Variants in EFCAB8 observed in about 807,000 individuals in gnomAD.
EFCAB8 encodes the protein EF-hand calcium binding domain 8.
EFCAB8 carries 100 observed loss-of-function variants against 116.3 expected under a neutral mutation model. That is an observed-to-expected ratio of 0.86 (90% confidence interval 0.73 to 1.02). The LOEUF (loss-of-function observed/expected upper bound fraction) is 1.02. EFCAB8 is among the 50% of genes least tolerant of loss of function. EFCAB8 has a pLI of 0.00. For missense variants in EFCAB8, 1,320 were observed against 1,416.9 expected, an observed-to-expected ratio of 0.93 and a Z score of 1.10; for synonymous variants, 558 against 567.9, an observed-to-expected ratio of 0.98 and a Z score of 0.25.
chr20:32,909,574 G>A (rs1158773213), intron 14 of EFCAB8, among the ~76,000 whole-genome samples: 5 of 151,686 alleles, frequency 3.3e-5, no homozygotes, highest in Non-Finnish European at 7.4e-5. Context: ...AAGGGACCTT[G>A]GACTTGGAAT....
At chr20:32,928,732 C>T (rs1227959181) in intron 20 of EFCAB8, among the ~76,000 whole-genome samples, 1 of 152,072 alleles carries the variant, frequency 6.6e-6, no homozygotes, top group Non-Finnish European at 1.5e-5. Flanking sequence ...TCTGGCAGAA[C>T]TTCCAGTACT....
intron 6 of EFCAB8, among the ~76,000 whole-genome samples, chr20:32,888,304 C>T (rs1023358634): frequency 6.6e-6 from 1 of 152,186 alleles, no homozygotes; most frequent in Non-Finnish European, 1.5e-5. Flanking sequence ...CAGCTCACTG[C>T]AGCCTCTGCC....
At chr20:32,894,657 T>C (rs1986074542) in intron 9 of EFCAB8, among the ~76,000 whole-genome samples, 1 of 152,222 alleles carries the variant, frequency 6.6e-6, no homozygotes. Flanking sequence ...CTGTGTGACC[T>C]GGAGCCAGTT....
chr20:32,935,611 A>G (rs1020624580), intron 22 of EFCAB8, among the ~76,000 whole-genome samples: 2 of 152,032 alleles, frequency 1.3e-5, no homozygotes, highest in African/African-American at 4.8e-5. Context: ...GGTTCAAGCA[A>G]TTCTCCTGCC....
chr20:32,946,048 C>T (rs143790920), intron 23 of EFCAB8, among the ~76,000 whole-genome samples: 24 of 152,280 alleles, frequency 1.6e-4, no homozygotes, highest in African/African-American at 5.8e-4. Flanking sequence ...TATGTATGCT[C>T]CAAATCTGCC....
chr20:32,906,677 G>T, intron 12 of EFCAB8, 48 bp downstream of exon 12: 1 of 717,602 alleles, frequency 1.4e-6, no homozygotes, highest in South Asian at 1.5e-5. Flanking sequence ...GAGGGCTGCT[G>T]GGGATGGGGG....
intron 6 of EFCAB8, among the ~76,000 whole-genome samples, chr20:32,886,155 A>G (rs189625599): frequency 3.7e-4 from 57 of 152,266 alleles, no homozygotes; most frequent in Admixed American, 2.1e-3. Flanking sequence ...AAGGTACTAT[A>G]TACTCCCTGT....
At chr20:32,909,408 AT>A (rs1986816810) in intron 14 of EFCAB8, among the ~76,000 whole-genome samples, 1 of 152,200 alleles carries the variant, frequency 6.6e-6, no homozygotes. Flanking sequence ...AGAAAAACAG[AT>A]AATTTCGGTA....
Position 32,931,349 on chromosome 20 carries a change from C to G in EFCAB8, c.2790+13C>G. 1 of 1,525,720 alleles carries G rather than the reference C, an allele frequency of 6.6e-7. No homozygotes were observed. The highest frequency in any genetic ancestry group is 8.8e-7 in the Non-Finnish European group (1 of 1,134,876). 94.5% of individuals were successfully genotyped at this position (1,525,720 alleles called of 1,614,324 possible). A position where few individuals can be genotyped will look rare whatever the true frequency, so the allele number is the denominator to read the frequency against. On this transcript the variant is annotated intron_variant, in intron 22 of 26. Coordinates refer to ENST00000400522, the MANE Select transcript of EFCAB8 (RefSeq NM_001143967.2). ...GGAGGATAAAGAGGTAGGAGGATTA[C>G]TGGAGAGTTGCTCAGGAAAGTGCCT...
In EFCAB8 at chr20:32,886,195, CTAGT is replaced by C. The variant is rs368404552; in HGVS notation, c.567+558_567+561del. On this transcript the variant is annotated intron_variant, in intron 6 of 26. Transcript: ENST00000400522. ...CAGTTTTCCCATCTGTCAAATGGGG[CTAGT>C]TACAGTGCTTCTTTACAGTCCTTTT... 7.2e-5 allele frequency among the ~76,000 whole-genome samples: 11 copies of C among 152,308 alleles called. No homozygotes were observed. In the East Asian group the frequency reaches 1.2e-3, roughly 16 times the overall value.
chr20:32,864,338 C>G (rs933415767), intron 2 of EFCAB8, among the ~76,000 whole-genome samples: 1 of 151,826 alleles, frequency 6.6e-6, no homozygotes, highest in East Asian at 2.0e-4. Context: ...AGTCCCAGCA[C>G]TTTGTGAGGT....
Position 32,906,842 on chromosome 20 carries a change from GTGAC to G in EFCAB8, c.1159_1162del (p.Thr387ValfsTer21), listed in dbSNP as rs778349122. ...GACTGACACCCACGTCTTGACCACA[GTGAC>G]TGGTGGCTACGATGCCTTCATCCGC... On this transcript the variant is annotated frameshift_variant and splice_region_variant, in exon 13 of 27. Coordinates refer to ENST00000400522, the MANE Select transcript of EFCAB8 (RefSeq NM_001143967.2). LOFTEE classifies it high-confidence loss of function. 7.0e-6 allele frequency: 10 copies of G among 1,428,588 alleles called. No individual in the cohort carries two copies. Among genetic ancestry groups the G allele is most frequent in the Non-Finnish European group, 9.7e-6 (10 of 1,034,930 alleles). The allele number at this position is 1,428,588 out of a possible 1,614,324, so 88.5% of individuals were successfully genotyped here.
At chr20:32,911,847 C>G in intron 16 of EFCAB8, 140 bp downstream of exon 16, 1 of 790,154 alleles carries the variant, frequency 1.3e-6, no homozygotes, top group Non-Finnish European at 2.1e-6. Context: ...TTCAAACCTC[C>G]CTGAGCCTCT....
intron 9 of EFCAB8, among the ~76,000 whole-genome samples, chr20:32,894,535 G>A (rs1228298028): frequency 6.6e-6 from 1 of 152,232 alleles, no homozygotes; most frequent in Non-Finnish European, 1.5e-5. Flanking sequence ...GTTTGGGCAG[G>A]AGTCCTTCCA....
chr20:32,892,918 G>A (rs561900393), intron 8 of EFCAB8, among the ~76,000 whole-genome samples: 98 of 150,396 alleles, frequency 6.5e-4, no homozygotes, highest in Middle Eastern at 3.4e-3. Flanking sequence ...TTAGCTCACT[G>A]CAGCCTCCAC....
chr20:32,939,693 CT>C (rs770799678), intron 22 of EFCAB8, among the ~76,000 whole-genome samples: 15 of 138,030 alleles, frequency 1.1e-4, no homozygotes, highest in Non-Finnish European at 1.9e-4. Flanking sequence ...TTCTCTCTCT[CT>C]CTTTTTTTTT....
chr20:32,892,163 C>T, intron 7 of EFCAB8, 50 bp from the exon 8 acceptor site: 1 of 1,488,822 alleles, frequency 6.7e-7, no homozygotes, highest in Non-Finnish European at 9.2e-7. Context: ...TGACTGAAGA[C>T]CTCCCAGGCA....
At chr20:32,866,152 T>TGTGGATATTC in intron 2 of EFCAB8, among the ~76,000 whole-genome samples, 1 of 152,292 alleles carries the variant, frequency 6.6e-6, no homozygotes, top group South Asian at 2.1e-4. Flanking sequence ...TCCACAGTGC[T>TGTGGATATTC]GTATCCACAG....
Position 32,885,583 on chromosome 20 carries a change from C to G in EFCAB8, c.510C>G (p.Thr170=). The change falls in exon 6 of 27, where the codon ACC becomes ACG. Residue 170 remains threonine (T), a synonymous_variant. Transcript: ENST00000400522. ...FKKIGCFLTV[T]KDGILQFWSE... ...AGATCGGGTGTTTCCTGACTGTCAC[C>G]AAAGACGGGATCCTGCAGTTCTGGT... The G allele has an allele frequency of 6.4e-7, 1 of 1,551,742 alleles. No homozygotes were observed. Among genetic ancestry groups the G allele is most frequent in the Non-Finnish European group, 8.7e-7 (1 of 1,147,000 alleles).
Sources: allele counts gnomAD v4.1 joint callset (sites outside exome capture counted in the v4.1 genomes callset), GRCh38; gene constraint gnomAD v4.1.1; transcripts MANE v1.5; gene names NCBI Gene and HGNC (gene_info 2026-07-23, HGNC 2026-07-21).